Variants in SPAG1 observed in about 807,000 individuals in gnomAD.
SPAG1 encodes sperm-associated antigen 1.
Under a neutral mutation model 100.5 loss-of-function variants are expected in SPAG1, and 69 were observed. The ratio of observed to expected loss-of-function variants is 0.69; its 90% CI spans 0.57 to 0.84. The LOEUF is 0.84. Ranked by LOEUF, SPAG1 falls within the 40% of genes least tolerant of loss-of-function variation. The pLI is 0.00. For synonymous variants in SPAG1, 336 were observed against 411.6 expected (o/e 0.82, Z 2.22); for missense variants, 955 against 1,133.1 (o/e 0.84, Z 2.26).
chr8:100,208,912 T>C (rs974816493), intron 10 of SPAG1, among the ~76,000 whole-genome samples: 2 of 152,180 alleles, frequency 1.3e-5, no homozygotes, highest in African/African-American at 4.8e-5. Flanking sequence ...CAAGGGGTGG[T>C]TGAAATGGTT....
Position 100,177,840 on chromosome 8 carries a change from G to T in SPAG1, c.325G>T (p.Glu109Ter). The stretch of plus-strand genomic sequence containing the variant: ...GAGTTGGGTATCAGAAATTAAAAAA[G>T]AAGAAGATAAAATGCACTTTCATGA... ...IKSWVSEIKK[E>*]EDKMHFHETE... The change falls in exon 4 of 19, where the codon GAA (glutamate) becomes TAA (stop). Residue 109 changes from glutamate (E) to a stop codon, truncating the protein, a stop_gained. Transcript: ENST00000388798. LOFTEE classifies it high-confidence loss of function. 6.5e-7 allele frequency: 1 copy of T among 1,548,388 alleles called. No individual in the cohort carries two copies. The highest frequency in any genetic ancestry group is 2.2e-5 in the East Asian group (1 of 44,548).
chr8:100,161,846 A>T (rs1815320252), intron 1 of SPAG1, among the ~76,000 whole-genome samples: 1 of 152,272 alleles, frequency 6.6e-6, no homozygotes, highest in Non-Finnish European at 1.5e-5. Context: ...GCACGCTTAC[A>T]CATGGACATA....
chr8:100,185,826 G>A (rs1361808476), intron 7 of SPAG1, among the ~76,000 whole-genome samples: 2 of 152,112 alleles, frequency 1.3e-5, no homozygotes, highest in African/African-American at 4.8e-5. Context: ...GAGGTAAAGA[G>A]GATATATGAT....
intron 16 of SPAG1, among the ~76,000 whole-genome samples, chr8:100,238,641 GTGACTCATGGAAGATTAAATGT>G (rs1021575676): frequency 2.0e-5 from 3 of 152,202 alleles, no homozygotes; most frequent in African/African-American, 7.2e-5. Flanking sequence ...AGTGTATTGT[GTGACTCATGGAAGATTAAATGT>G]TGACTCTAGC....
chr8:100,218,820 A>G (rs1316347389), intron 12 of SPAG1, among the ~76,000 whole-genome samples: 1 of 152,216 alleles, frequency 6.6e-6, no homozygotes. Context: ...GAGTATCTGT[A>G]TGATGTGGTC....
intron 13 of SPAG1, among the ~76,000 whole-genome samples, chr8:100,220,893 C>T (rs1317641458): frequency 1.3e-5 from 2 of 151,756 alleles, no homozygotes; most frequent in Non-Finnish European, 2.9e-5. Context: ...GCCAACATGG[C>T]GAAACCCCAT....
At chr8:100,162,954 TAAAAAAA>T (rs1815381336) in intron 2 of SPAG1, among the ~76,000 whole-genome samples, 1 of 150,764 alleles carries the variant, frequency 6.6e-6, no homozygotes, top group African/African-American at 2.4e-5. Flanking sequence ...TCTCAAAAAA[TAAAAAAA>T]TAAAAAATAA....
intron 10 of SPAG1, among the ~76,000 whole-genome samples, chr8:100,210,205 T>A (rs1043790091): frequency 3.3e-5 from 5 of 150,132 alleles, no homozygotes; most frequent in African/African-American, 4.9e-5. Flanking sequence ...TTTTTTTTTT[T>A]AAATCATGAA....
chr8:100,225,148 C>G (rs746521679), intron 13 of SPAG1, 25 bp from the exon 14 acceptor site: 1 of 1,579,688 alleles, frequency 6.3e-7, no homozygotes, highest in South Asian at 1.1e-5. Flanking sequence ...AAATGATCAA[C>G]AGAGAAAATT....
At chr8:100,201,096 A>C (rs1398274585) in intron 10 of SPAG1, among the ~76,000 whole-genome samples, 2 of 151,026 alleles carry the variant, frequency 1.3e-5, no homozygotes, top group Non-Finnish European at 3.0e-5. Context: ...CCTGTGTTTT[A>C]TTTCTTTTTC....
intron 16 of SPAG1, among the ~76,000 whole-genome samples, chr8:100,235,741 T>C (rs550347297): frequency 6.6e-6 from 1 of 152,034 alleles, no homozygotes; most frequent in Non-Finnish European, 1.5e-5. Flanking sequence ...GCAGTCAGCG[T>C]GCATGTCCCG....
intron 10 of SPAG1, among the ~76,000 whole-genome samples, chr8:100,206,754 T>C (rs949451371): frequency 6.6e-6 from 1 of 152,178 alleles, no homozygotes; most frequent in African/African-American, 2.4e-5. Flanking sequence ...TCACAAGGCC[T>C]ATTTGGATTT....
At chr8:100,230,727 A>T (rs1290517308) in intron 14 of SPAG1, among the ~76,000 whole-genome samples, 1 of 152,202 alleles carries the variant, frequency 6.6e-6, no homozygotes, top group East Asian at 1.9e-4. Context: ...AGGTTCAAGC[A>T]CTTCTCCTGC....
intron 9 of SPAG1, among the ~76,000 whole-genome samples, 165 bp downstream of exon 9, chr8:100,191,661 T>C (rs1816821705): frequency 6.6e-6 from 1 of 152,202 alleles, no homozygotes; most frequent in Admixed American, 6.5e-5. Context: ...CTATTTCAAG[T>C]GGAAGAAAGC....
chr8:100,190,385 TAC>T (rs1438469737), intron 8 of SPAG1, among the ~76,000 whole-genome samples: 4 of 152,050 alleles, frequency 2.6e-5, no homozygotes, highest in Non-Finnish European at 5.9e-5. Flanking sequence ...AATGACTTAT[TAC>T]ACAAAGTTCT....
At chr8:100,232,343 G>A (rs1413524735) in intron 15 of SPAG1, among the ~76,000 whole-genome samples, 2 of 151,924 alleles carry the variant, frequency 1.3e-5, no homozygotes, top group East Asian at 3.9e-4. Flanking sequence ...TAGTTCTGAG[G>A]GTCTAGATCC....
At chr8:100,179,060 T>C (rs1389826141) in intron 4 of SPAG1, among the ~76,000 whole-genome samples, 2 of 124,194 alleles carry the variant, frequency 1.6e-5, no homozygotes, top group African/African-American at 6.0e-5. Flanking sequence ...GTCTCCTCTG[T>C]CTCAAAAAAA....
intron 14 of SPAG1, among the ~76,000 whole-genome samples, chr8:100,225,868 T>A (rs1818487527): frequency 6.6e-6 from 1 of 152,062 alleles, no homozygotes; most frequent in African/African-American, 2.4e-5. Context: ...GGGCTTGCTC[T>A]GTCACCCAGG....
chr8:100,222,913 C>A (rs1818346139), intron 13 of SPAG1, among the ~76,000 whole-genome samples: 1 of 152,174 alleles, frequency 6.6e-6, no homozygotes, highest in Non-Finnish European at 1.5e-5. Context: ...ACCCAGTAAG[C>A]AGCCACTCCC....
Sources: allele counts gnomAD v4.1 joint callset (sites outside exome capture counted in the v4.1 genomes callset), GRCh38; gene constraint gnomAD v4.1.1; transcripts MANE v1.5; gene names NCBI Gene and HGNC (gene_info 2026-07-23, HGNC 2026-07-21).